Variants in SHTN1 observed in about 807,000 individuals in gnomAD.
SHTN1 encodes shootin 1.
Under a neutral mutation model 83.1 loss-of-function variants are expected in SHTN1, and 42 were observed. The ratio of observed to expected loss-of-function variants is 0.51; its 90% CI spans 0.39 to 0.65. The LOEUF is 0.65. SHTN1 is among the 30% of genes least tolerant of loss of function. SHTN1 has a pLI of 0.00. For synonymous variants in SHTN1, 224 were observed against 247.7 expected, an observed-to-expected ratio of 0.90 and a Z score of 0.90; for missense variants, 622 against 737.8, an observed-to-expected ratio of 0.84 and a Z score of 1.82.
intron 1 of SHTN1, among the ~76,000 whole-genome samples, chr10:117,050,537 G>T (rs965253678): frequency 3.3e-5 from 5 of 152,022 alleles, no homozygotes; most frequent in Admixed American, 3.3e-4. Flanking sequence ...GCAAGAAAAA[G>T]AAGAGCAAAC....
At chr10:117,033,216 T>C (rs1037048516) in intron 2 of SHTN1, among the ~76,000 whole-genome samples, 6 of 151,070 alleles carry the variant, frequency 4.0e-5, no homozygotes, top group Admixed American at 4.0e-4. Context: ...GGAATTGAAA[T>C]GAAAAAAATA....
chr10:117,019,074 A>G (rs1852225076), intron 2 of SHTN1, among the ~76,000 whole-genome samples: 1 of 152,368 alleles, frequency 6.6e-6, no homozygotes, highest in Middle Eastern at 3.4e-3. Context: ...GTCACAGGAT[A>G]CAGATCATTA....
In SHTN1 at chr10:117,069,755, T is replaced by A. The variant is rs74159036; in HGVS notation, c.-188-21245A>T. Among the ~76,000 whole-genome samples the A allele has an allele frequency of 2.8e-3, 426 of 152,298 alleles. 3 individuals carry two copies. The highest frequency in any genetic ancestry group is 9.0e-3 in the African/African-American group (376 of 41,560). ...AGAGAGATCAGAGCAAAACAGCTAGTGAGTATAATCAGGAGATAACACATG... is the reference window on the plus strand; with the variant it reads ...AGAGAGATCAGAGCAAAACAGCTAGAGAGTATAATCAGGAGATAACACATG... On this transcript the variant is annotated intron_variant, in intron 1 of 17. Coordinates refer to the SHTN1 transcript ENST00000392901.
chr10:116,909,706 G>A (rs1055105585), intron 14 of SHTN1, among the ~76,000 whole-genome samples: 18 of 152,144 alleles, frequency 1.2e-4, no homozygotes, highest in Non-Finnish European at 2.6e-4. Flanking sequence ...AAATAGAATA[G>A]GGGTTTGAAA....
At chr10:116,949,424 C>T (rs1221329568) in intron 6 of SHTN1, among the ~76,000 whole-genome samples, 1 of 152,042 alleles carries the variant, frequency 6.6e-6, no homozygotes, top group Non-Finnish European at 1.5e-5. Flanking sequence ...GCCACCATAC[C>T]CAGCCATGAT....
chr10:117,011,332 A>G (rs1422035916), intron 2 of SHTN1, among the ~76,000 whole-genome samples: 2 of 152,212 alleles, frequency 1.3e-5, no homozygotes, highest in Non-Finnish European at 2.9e-5. Flanking sequence ...TACTTTTCCC[A>G]ATACCACTTG....
upstream of SHTN1, chr10:117,005,400 G>A (rs1485505879): frequency 4.0e-5 from 47 of 1,171,750 alleles, no homozygotes; most frequent in South Asian, 8.7e-5. Flanking sequence ...GCTGGTGGGA[G>A]GGGGGGCGGC....
chr10:116,991,506 GGA>G (rs990007020), intron 1 of SHTN1, among the ~76,000 whole-genome samples: 1 of 152,156 alleles, frequency 6.6e-6, no homozygotes, highest in African/African-American at 2.4e-5. Flanking sequence ...GAGGAAAGCA[GGA>G]GAGAAGGGAA....
chr10:116,927,803 GGGAGGTGGAGGGGGAAGT>G lies in SHTN1; in HGVS notation c.1083_1100del (p.Leu362_Pro367del). Reference sequence around the variant, plus strand: ...CTGGATGTGCTTACCGGATAGGATTGGGAGGTGGAGGGGGAAGTGGTGGTGGAGGAGGAGGTGGTGGAG... The same window carrying G: ...CTGGATGTGCTTACCGGATAGGATTGGGTGGTGGAGGAGGAGGTGGTGGAG... On this transcript the variant is annotated inframe_deletion, in exon 11 of 17. Transcript: ENST00000355371. 1 of 1,594,424 alleles carries G rather than the reference GGGAGGTGGAGGGGGAAGT, an allele frequency of 6.3e-7. No homozygotes were observed. The highest frequency in any genetic ancestry group is 8.5e-7 in the Non-Finnish European group (1 of 1,171,816).
chr10:117,018,232 G>C (rs942007746), intron 2 of SHTN1, among the ~76,000 whole-genome samples: 1 of 152,098 alleles, frequency 6.6e-6, no homozygotes, highest in African/African-American at 2.4e-5. Context: ...GTACCCAGTG[G>C]GCTGGGTGAA....
At chr10:116,984,035 G>C (rs539899377) in intron 1 of SHTN1, among the ~76,000 whole-genome samples, 4 of 152,212 alleles carry the variant, frequency 2.6e-5, no homozygotes, top group Admixed American at 2.6e-4. Flanking sequence ...ACTAAAGTTC[G>C]TAACTACAAG....
intron 6 of SHTN1, 27 bp from the exon 7 acceptor site, chr10:116,949,024 A>G (rs1285351682): frequency 1.3e-6 from 2 of 1,497,498 alleles, no homozygotes; most frequent in Non-Finnish European, 1.8e-6. Context: ...TTGAGGGGAG[A>G]AAACACCAAA....
In SHTN1 at chr10:116,954,217, C is replaced by A; in HGVS notation, c.268-7G>T. The A allele has an allele frequency of 1.3e-6, 2 of 1,573,176 alleles. No individual in the cohort carries two copies. The highest frequency in any genetic ancestry group is 8.6e-7 in the Non-Finnish European group (1 of 1,158,920). On this transcript the variant is annotated splice_region_variant and splice_polypyrimidine_tract_variant and intron_variant, in intron 4 of 16. Coordinates refer to ENST00000355371, the MANE Select transcript of SHTN1 (RefSeq NM_001127211.3). Reference sequence around the variant, plus strand: ...TTTTATTTTCTTTATTTAGCTAAGACAAAATATAAAAACAGTTATTTTAAA... The same window carrying A: ...TTTTATTTTCTTTATTTAGCTAAGAAAAAATATAAAAACAGTTATTTTAAA...
chr10:116,971,919 G>A (rs1420290786), intron 2 of SHTN1, among the ~76,000 whole-genome samples: 1 of 152,160 alleles, frequency 6.6e-6, no homozygotes, highest in Non-Finnish European at 1.5e-5. Flanking sequence ...AGTTTTTAGT[G>A]AGACTTTGGA....
chr10:116,946,774 G>A (rs984423736), intron 7 of SHTN1, among the ~76,000 whole-genome samples: 1 of 151,288 alleles, frequency 6.6e-6, no homozygotes, highest in African/African-American at 2.4e-5. Flanking sequence ...CTGGAAGGCA[G>A]TGGTGCAATC....
intron 1 of SHTN1, among the ~76,000 whole-genome samples, chr10:117,056,614 A>G (rs570089522): frequency 6.6e-6 from 1 of 152,274 alleles, no homozygotes; most frequent in African/African-American, 2.4e-5. Context: ...GATCAAGATC[A>G]TCCTGGCTAA....
At position 116,956,271 on chromosome 10, in the gene SHTN1, A is replaced by C. The variant is rs1161074293; in HGVS notation, c.268-2061T>G. Reference sequence around the variant, plus strand: ...TTTTTCAGTTTCCCAGGTGATTCTAATGTACATCAACACTAAGAATCATTG... The same window carrying C: ...TTTTTCAGTTTCCCAGGTGATTCTACTGTACATCAACACTAAGAATCATTG... On this transcript the variant is annotated intron_variant, in intron 4 of 16. Coordinates refer to ENST00000355371, the MANE Select transcript of SHTN1 (RefSeq NM_001127211.3). 2.0e-5 allele frequency among the ~76,000 whole-genome samples: 3 copies of C among 152,192 alleles called. No individual in the cohort carries two copies. The South Asian group carries it at 6.2e-4, about 31-fold the overall frequency.
At chr10:117,038,708 T>C (rs940569974) in intron 2 of SHTN1, among the ~76,000 whole-genome samples, 4 of 152,134 alleles carry the variant, frequency 2.6e-5, no homozygotes, top group Non-Finnish European at 5.9e-5. Context: ...AAAGAAGATA[T>C]TTAGATGGCA....
At chr10:116,931,312 G>C (rs537468471) in intron 9 of SHTN1, among the ~76,000 whole-genome samples, 1 of 152,108 alleles carries the variant, frequency 6.6e-6, no homozygotes, top group Admixed American at 6.5e-5. Flanking sequence ...GCAGTGGCGC[G>C]ATCTGGGCTC....
Sources: allele counts gnomAD v4.1 joint callset (sites outside exome capture counted in the v4.1 genomes callset), GRCh38; gene constraint gnomAD v4.1.1; transcripts MANE v1.5; gene names NCBI Gene and HGNC (gene_info 2026-07-23, HGNC 2026-07-21).